The following PARD6G variants were observed in gnomAD, a reference collection of about 807,000 sequenced individuals.
PARD6G encodes par-6 family cell polarity regulator gamma, also known as partitioning defective 6 homolog gamma.
A neutral mutation model predicts 10.7 loss-of-function variants in PARD6G; 7 were observed. The ratio of observed to expected loss-of-function variants is 0.66; its 90% CI spans 0.37 to 1.23. The LOEUF (loss-of-function observed/expected upper bound fraction) is 1.23, where lower values mean the gene tolerates loss of function less well. Ranked by LOEUF, PARD6G falls within the 50% of genes most tolerant of loss-of-function variation. PARD6G has a pLI of 0.02. For synonymous variants in PARD6G, 287 were observed against 269.4 expected, an observed-to-expected ratio of 1.07 and a Z score of -0.64; for missense variants, 548 against 571.8, an observed-to-expected ratio of 0.96 and a Z score of 0.42.
Position 80,228,827 on chromosome 18 carries a change from C to T in PARD6G, c.72+18450G>A, listed in dbSNP as rs1315105141. On this transcript the variant is annotated intron_variant, in intron 1 of 2. Transcript: ENST00000353265. The surrounding 1 kb of genome is among the most constrained non-coding windows in gnomAD (Gnocchi z 4.6). The stretch of plus-strand genomic sequence containing the variant: ...GTGATCAGAAACAGAGACAGATTCC[C>T]ACAGGAAATGTTCATCAAAATACTT... Among the ~76,000 whole-genome samples the T allele has an allele frequency of 2.0e-5, 3 of 152,226 alleles. No homozygotes were observed. The highest frequency in any genetic ancestry group is 7.2e-5 in the African/African-American group (3 of 41,448).
chr18:80,163,128 C>T (rs1341611298), intron 2 of PARD6G, among the ~76,000 whole-genome samples: 2 of 152,182 alleles, frequency 1.3e-5, no homozygotes, highest in Non-Finnish European at 2.9e-5. Context: ...TTCAAGAAGG[C>T]AACCCCTCTG....
chr18:80,178,741 C>T lies in PARD6G; in HGVS notation c.296-18135G>A, dbSNP rs1414217481. Among the ~76,000 whole-genome samples, 3 of 152,210 alleles carry T rather than the reference C, an allele frequency of 2.0e-5. No individual in the cohort carries two copies. The East Asian group carries it at 5.8e-4, about 29-fold the overall frequency. On this transcript the variant is annotated intron_variant, in intron 2 of 2. Coordinates refer to ENST00000353265, the MANE Select transcript of PARD6G (RefSeq NM_032510.4). ...ATGGCACAAGTGTCTTTACAGAACA[C>T]ATGAGGCAGAAAACAGACGTCCACG...
Position 80,179,890 on chromosome 18 carries a change from G to A in PARD6G, c.296-19284C>T, listed in dbSNP as rs2052839172. ...TGAAGTTTATATTTTGGTTAGGAAT[G>A]CAATGGCCAGAGAATTGAAGCCACA... On this transcript the variant is annotated intron_variant, in intron 2 of 2. Coordinates refer to ENST00000353265, the MANE Select transcript of PARD6G (RefSeq NM_032510.4). Among the ~76,000 whole-genome samples the A allele has an allele frequency of 2.0e-5, 3 of 152,256 alleles. No homozygotes were observed. In the South Asian group the frequency reaches 6.2e-4, roughly 31 times the overall value.
At chr18:80,194,465 G>A (rs1284905697) in intron 2 of PARD6G, among the ~76,000 whole-genome samples, 1 of 152,138 alleles carries the variant, frequency 6.6e-6, no homozygotes, top group Non-Finnish European at 1.5e-5. Context: ...GGTTTATTGT[G>A]AGAGTCACAC....
At chr18:80,220,509 T>C (rs1000173819) in intron 1 of PARD6G, among the ~76,000 whole-genome samples, 4 of 152,228 alleles carry the variant, frequency 2.6e-5, no homozygotes, top group African/African-American at 9.7e-5. Flanking sequence ...TATATCAGTA[T>C]TGTGTATTAA....
Position 80,208,889 on chromosome 18 carries a change from G to A in PARD6G, c.73-5957C>T, listed in dbSNP as rs1967080866. 3.3e-5 allele frequency among the ~76,000 whole-genome samples: 5 copies of A among 152,264 alleles called. No individual in the cohort carries two copies. The South Asian group carries it at 1.0e-3, about 32-fold the overall frequency. Reference sequence around the variant, plus strand: ...CTCAGCACTTTGGGAGGCCAAGGGAGAGTCCGAGACCAGTCTGGCCAACAT... The same window carrying A: ...CTCAGCACTTTGGGAGGCCAAGGGAAAGTCCGAGACCAGTCTGGCCAACAT... On this transcript the variant is annotated intron_variant, in intron 1 of 2. Transcript: ENST00000353265.
At position 80,160,584 on chromosome 18, in the gene PARD6G, G is replaced by A. The variant is rs762129592; in HGVS notation, c.318C>T (p.Leu106=). The A allele has an allele frequency of 6.9e-7, 1 of 1,454,740 alleles. No homozygotes were observed. The highest frequency in any genetic ancestry group is 2.5e-5 in the East Asian group (1 of 40,102). 90.1% of individuals were successfully genotyped at this position (1,454,740 alleles called of 1,614,324 possible). A position where few individuals can be genotyped will look rare whatever the true frequency, so the allele number is the denominator to read the frequency against. ...QKREEAERGS[L]GAGSLCRRRR... is the part of the protein sequence containing the mutation. ...TCCGCCTGCACAGCGAGCCCGCGCCGAGGCTGCCACGCTCGGCCTCCTCTG... is the reference window on the plus strand; with the variant it reads ...TCCGCCTGCACAGCGAGCCCGCGCCAAGGCTGCCACGCTCGGCCTCCTCTG... Residue 106 remains leucine (L), a synonymous_variant, in exon 3 of 3, where the codon CTC becomes CTT. Transcript: ENST00000353265.
At chr18:80,235,875 A>G (rs1160032013) in intron 1 of PARD6G, among the ~76,000 whole-genome samples, 2 of 152,176 alleles carry the variant, frequency 1.3e-5, no homozygotes, top group Non-Finnish European at 1.5e-5. Flanking sequence ...TAGCAACCAA[A>G]AAAAGTCCAG....
intron 2 of PARD6G, among the ~76,000 whole-genome samples, chr18:80,195,797 C>T (rs748127162): frequency 3.6e-4 from 54 of 150,954 alleles, no homozygotes; most frequent in Admixed American, 1.7e-3. Flanking sequence ...ATCGCTTGAA[C>T]CTGGGAGGTG....
chr18:80,215,038 AAT>A (rs1221123840), intron 1 of PARD6G, among the ~76,000 whole-genome samples: 39 of 152,146 alleles, frequency 2.6e-4, no homozygotes, highest in Non-Finnish European at 4.7e-4. Context: ...AAAAAAAAAA[AAT>A]CCATGGAGAC....
At chr18:80,222,671 T>G (rs1967245457) in intron 1 of PARD6G, among the ~76,000 whole-genome samples, 1 of 151,984 alleles carries the variant, frequency 6.6e-6, no homozygotes, top group Non-Finnish European at 1.5e-5. Context: ...TGTCATCAAT[T>G]TATTTATTTA....
intron 1 of PARD6G, among the ~76,000 whole-genome samples, chr18:80,235,421 T>C (rs1471872794): frequency 6.6e-6 from 1 of 151,920 alleles, no homozygotes; most frequent in Admixed American, 6.6e-5. Context: ...GATCTAAAAT[T>C]GATACCCTAA....
In PARD6G at chr18:80,200,969, C is replaced by A. The variant is rs1967001987; in HGVS notation, c.295+1741G>T. On this transcript the variant is annotated intron_variant, in intron 2 of 2. Coordinates refer to ENST00000353265, the MANE Select transcript of PARD6G (RefSeq NM_032510.4). This position sits in a 1 kb window ranked among gnomAD's most constrained non-coding sequence, Gnocchi z 4.4. Reference sequence around the variant, plus strand: ...GACTTGTTTCCTGCACGATGGGCAACAAAGCCTGTGCGCACATCTGCAGTT... The same window carrying A: ...GACTTGTTTCCTGCACGATGGGCAAAAAAGCCTGTGCGCACATCTGCAGTT... Among the ~76,000 whole-genome samples the A allele has an allele frequency of 6.6e-6, 1 of 152,224 alleles. No homozygotes were observed. Among genetic ancestry groups the A allele is most frequent in the Non-Finnish European group, 1.5e-5 (1 of 68,040 alleles).
chr18:80,161,608 T>C lies in PARD6G; in HGVS notation c.296-1002A>G, dbSNP rs2052701213. The stretch of plus-strand genomic sequence containing the variant: ...TCATTAATTTTTATATGAAACCTCT[T>C]GTTCTTGACACACACGACTCTGTAA... On this transcript the variant is annotated intron_variant, in intron 2 of 2. Transcript: ENST00000353265. This position sits in a 1 kb window ranked among gnomAD's most constrained non-coding sequence, Gnocchi z 4.6. 1 of 152,128 alleles carries C rather than the reference T, an allele frequency of 6.6e-6. No homozygotes were observed. The highest frequency in any genetic ancestry group is 1.5e-5 in the Non-Finnish European group (1 of 68,006). 9.4% of individuals were successfully genotyped at this position (152,128 alleles called of 1,614,324 possible).
Position 80,158,085 on chromosome 18 carries a change from T to G in PARD6G, c.*1686A>C, listed in dbSNP as rs372806060. 2.0e-5 allele frequency: 3 copies of G among 152,186 alleles called. No homozygotes were observed. Among genetic ancestry groups the G allele is most frequent in the African/African-American group, 7.2e-5 (3 of 41,446 alleles). 9.4% of individuals were successfully genotyped at this position (152,186 alleles called of 1,614,324 possible). A position where few individuals can be genotyped will look rare whatever the true frequency, so the allele number is the denominator to read the frequency against. ...TCAAGCAAAACACATTATATAAAAT[T>G]TAATTGTATCAAATAGGAATTTTTA... On this transcript the variant is annotated 3_prime_UTR_variant, in exon 3 of 3. Transcript: ENST00000353265.
In PARD6G at chr18:80,226,151, G is replaced by GTT. The variant is rs10606939; in HGVS notation, c.72+21124_72+21125dup. On this transcript the variant is annotated intron_variant, in intron 1 of 2. Transcript: ENST00000353265. ...TCCCCACAGGTAACCAATGACTTCA[G>GTT]TTTTTTTTTTTTTTTTTTTTTTTTT... 7.4e-4 allele frequency among the ~76,000 whole-genome samples: 57 copies of GTT among 76,566 alleles called. 3 individuals are homozygous for GTT. The highest frequency in any genetic ancestry group is 1.4e-3 in the East Asian group (3 of 2,188). The allele number at this position is 76,566 out of a possible 152,430, so 50.2% of individuals were successfully genotyped here.
intron 1 of PARD6G, among the ~76,000 whole-genome samples, chr18:80,234,490 T>C (rs1486961878): frequency 1.3e-5 from 2 of 152,132 alleles, no homozygotes; most frequent in Admixed American, 6.6e-5. Flanking sequence ...TACAACTGCC[T>C]CACCCCAAAT....
chr18:80,209,218 G>A (rs1967084041), intron 1 of PARD6G, among the ~76,000 whole-genome samples: 1 of 152,068 alleles, frequency 6.6e-6, no homozygotes, highest in Non-Finnish European at 1.5e-5. Context: ...GAGGCAAAAT[G>A]GCTAATTCCA....
intron 1 of PARD6G, among the ~76,000 whole-genome samples, chr18:80,234,923 C>G (rs1007975680): frequency 1.1e-4 from 17 of 151,546 alleles, no homozygotes; most frequent in Admixed American, 5.9e-4. Context: ...ACTTTAACAC[C>G]CCACTGTCAA....
Sources: allele counts gnomAD v4.1 joint callset (sites outside exome capture counted in the v4.1 genomes callset), GRCh38; gene constraint gnomAD v4.1.1; non-coding constraint Gnocchi (gnomAD v3.1); transcripts MANE v1.5; gene names NCBI Gene and HGNC (gene_info 2026-07-23, HGNC 2026-07-21).